Variants in PRKCH observed in about 807,000 individuals in gnomAD.
The protein encoded by PRKCH is protein kinase C eta, also known as protein kinase C eta type.
A neutral mutation model predicts 82.5 loss-of-function variants in PRKCH; 28 were observed. The observed-to-expected ratio is 0.34, with a 90% CI of 0.25 to 0.47. The LOEUF (loss-of-function observed/expected upper bound fraction) is 0.47. Ranked by LOEUF, PRKCH falls within the 20% of genes least tolerant of loss-of-function variation. The pLI is 1.00. For synonymous variants in PRKCH, 322 were observed against 327.4 expected, an observed-to-expected ratio of 0.98 and a Z score of 0.18; for missense variants, 705 against 881.8, an observed-to-expected ratio of 0.80 and a Z score of 2.54.
At chr14:61,213,828 C>G (rs956924688) in intron 1 of PRKCH, among the ~76,000 whole-genome samples, 1 of 152,132 alleles carries the variant, frequency 6.6e-6, no homozygotes, top group African/African-American at 2.4e-5. Flanking sequence ...AATTGAAAAA[C>G]TGGAGAAATG....
intron 13 of PRKCH, among the ~76,000 whole-genome samples, chr14:61,548,113 C>T (rs117641191): frequency 6.6e-6 from 1 of 152,294 alleles, no homozygotes; most frequent in East Asian, 1.9e-4. Context: ...CCTCGTTTAC[C>T]CAATCTCCAA....
intron 9 of PRKCH, among the ~76,000 whole-genome samples, chr14:61,466,797 C>A (rs1337572604): frequency 6.6e-6 from 1 of 152,122 alleles, no homozygotes; most frequent in African/African-American, 2.4e-5. Flanking sequence ...TGCCTCCTCC[C>A]GCTCCTCTGC....
Position 61,337,608 on chromosome 14 carries a change from T to C in PRKCH, c.363+15144T>C, listed in dbSNP as rs117740778. On this transcript the variant is annotated intron_variant, in intron 1 of 13. Coordinates refer to ENST00000332981, the MANE Select transcript of PRKCH (RefSeq NM_006255.5). ...GCTAATTAGAAAACCTTTTTTCTTA[T>C]AGAGGTAGGGTCTCACTATGTTGCC... is the stretch of plus-strand genomic sequence containing the variant. Among the ~76,000 whole-genome samples the C allele has an allele frequency of 3.7e-4, 57 of 152,258 alleles. No homozygotes were observed. In the East Asian group the frequency reaches 0.01, roughly 27 times the overall value.
At chr14:61,475,173 C>A (rs1196385519) in intron 9 of PRKCH, among the ~76,000 whole-genome samples, 1 of 152,208 alleles carries the variant, frequency 6.6e-6, no homozygotes, top group Non-Finnish European at 1.5e-5. Flanking sequence ...CTTTATCCTA[C>A]AAGCCCTATA....
chr14:61,435,567 A>G (rs1171287677), intron 2 of PRKCH, among the ~76,000 whole-genome samples: 1 of 152,228 alleles, frequency 6.6e-6, no homozygotes, highest in African/African-American at 2.4e-5. Context: ...CTGGCCAGGC[A>G]CAGTGGTATG....
chr14:61,326,285 T>G (rs2045695503), intron 1 of PRKCH, among the ~76,000 whole-genome samples: 1 of 152,206 alleles, frequency 6.6e-6, no homozygotes, highest in South Asian at 2.1e-4. Flanking sequence ...ATTACACATG[T>G]AACAACAGGA....
chr14:61,270,112 A>C (rs937617119), intron 1 of PRKCH, among the ~76,000 whole-genome samples: 1 of 152,122 alleles, frequency 6.6e-6, no homozygotes, highest in Non-Finnish European at 1.5e-5. Context: ...TCCCTTCCCA[A>C]GATTTCTGTC....
chr14:61,272,145 G>A (rs923436044), intron 1 of PRKCH, among the ~76,000 whole-genome samples: 6 of 151,672 alleles, frequency 4.0e-5, no homozygotes, highest in African/African-American at 1.4e-4. Flanking sequence ...GGAGAATGGC[G>A]TGAACCCGGG....
intron 2 of PRKCH, among the ~76,000 whole-genome samples, chr14:61,392,778 A>G (rs965418214): frequency 2.7e-5 from 4 of 150,626 alleles, no homozygotes; most frequent in Non-Finnish European, 5.9e-5. Context: ...TGTAGTTCAT[A>G]TGTTTTATGT....
At chr14:61,188,103 T>C (rs2044376655) in intron 1 of PRKCH, among the ~76,000 whole-genome samples, 1 of 152,250 alleles carries the variant, frequency 6.6e-6, no homozygotes, top group Non-Finnish European at 1.5e-5. Context: ...AGATAACGCA[T>C]GCTATATATT....
chr14:61,249,446 T>C (rs929381486), intron 1 of PRKCH, among the ~76,000 whole-genome samples: 3 of 151,470 alleles, frequency 2.0e-5, no homozygotes, highest in Admixed American at 6.6e-5. Context: ...TAAAAAAACA[T>C]TGGAGTCATA....
chr14:61,200,583 C>T (rs1428647574), intron 1 of PRKCH, among the ~76,000 whole-genome samples: 1 of 152,238 alleles, frequency 6.6e-6, no homozygotes, highest in Middle Eastern at 3.4e-3. Context: ...TCAAAATTGA[C>T]CATTCAGCTC....
At chr14:61,188,411 T>TGGCTCCGGCTCTGGCTCC (rs1290401382) in intron 1 of PRKCH, among the ~76,000 whole-genome samples, 3 of 150,678 alleles carry the variant, frequency 2.0e-5, no homozygotes, top group Non-Finnish European at 2.9e-5. Context: ...CAGGCAGTTC[T>TGGCTCCGGCTCTGGCTCC]GGCTCCGGCT....
chr14:61,284,561 G>A (rs985699461), intron 1 of PRKCH, among the ~76,000 whole-genome samples: 2 of 152,142 alleles, frequency 1.3e-5, no homozygotes, highest in African/African-American at 4.8e-5. Flanking sequence ...CGTAAGTTCC[G>A]AGAGGTGGAA....
chr14:61,230,256 G>A (rs1269820690), intron 1 of PRKCH, among the ~76,000 whole-genome samples: 2 of 152,012 alleles, frequency 1.3e-5, no homozygotes, highest in African/African-American at 2.4e-5. Context: ...CACCTCATTC[G>A]GACCCGGGGG....
intron 1 of PRKCH, among the ~76,000 whole-genome samples, chr14:61,260,625 C>T (rs988531320): frequency 7.9e-5 from 12 of 151,952 alleles, no homozygotes; most frequent in Non-Finnish European, 1.2e-4. Context: ...TTTATTAATC[C>T]ATGTAATCTG....
intron 1 of PRKCH, among the ~76,000 whole-genome samples, chr14:61,208,618 A>G (rs1342451040): frequency 6.6e-6 from 1 of 152,230 alleles, no homozygotes; most frequent in Non-Finnish European, 1.5e-5. Context: ...TCCAAAAATC[A>G]TAGAGTCCTG....
At chr14:61,322,605 C>A (rs914210047) in intron 1 of PRKCH, 141 bp downstream of exon 1, 1 of 1,238,476 alleles carries the variant, frequency 8.1e-7, no homozygotes. Flanking sequence ...GTCCACGTGG[C>A]CGCGGCACTG....
At chr14:61,211,178 A>G (rs373690373) in intron 1 of PRKCH, among the ~76,000 whole-genome samples, 3 of 152,294 alleles carry the variant, frequency 2.0e-5, no homozygotes, top group African/African-American at 7.2e-5. Context: ...GCCATGATAC[A>G]TGGCCCAGGA....
Sources: allele counts gnomAD v4.1 joint callset (sites outside exome capture counted in the v4.1 genomes callset), GRCh38; gene constraint gnomAD v4.1.1; transcripts MANE v1.5; gene names NCBI Gene and HGNC (gene_info 2026-07-23, HGNC 2026-07-21).